The following LINGO2 variants were observed in gnomAD, a reference collection of about 807,000 sequenced individuals.
LINGO2 encodes leucine-rich repeat and immunoglobulin-like domain-containing nogo receptor-interacting protein 2.
Under a neutral mutation model 30.6 loss-of-function variants are expected in LINGO2, and 14 were observed. The ratio of observed to expected loss-of-function variants is 0.46; its 90% CI spans 0.30 to 0.72. The LOEUF is 0.72. Ranked by LOEUF, LINGO2 falls within the 30% of genes least tolerant of loss-of-function variation. The probability of loss-of-function intolerance (pLI) is 0.07; values close to 1 mark genes in which losing one functional copy is unlikely to be tolerated. For synonymous variants in LINGO2, 317 were observed against 288.5 expected, an observed-to-expected ratio of 1.10 and a Z score of -1.00; for missense variants, 729 against 751.7, an observed-to-expected ratio of 0.97 and a Z score of 0.35.
chr9:28,657,759 G>C (rs1048113356), intron 1 of LINGO2, among the ~76,000 whole-genome samples: 3 of 151,656 alleles, frequency 2.0e-5, no homozygotes, highest in Non-Finnish European at 4.4e-5. Flanking sequence ...GTTTATTTCT[G>C]TTGTAATATT....
rs1166669912 is a variant in LINGO2, at chr9:28,436,058, A to G, written c.-279+39882T>C. 3.3e-5 allele frequency among the ~76,000 whole-genome samples: 5 copies of G among 152,162 alleles called. No individual in the cohort carries two copies. In the East Asian group the frequency reaches 9.6e-4, roughly 29 times the overall value. On this transcript the variant is annotated intron_variant, in intron 2 of 5. Transcript: ENST00000379992. Reference sequence around the variant, plus strand: ...AGATTACTAACTTGGGGGTTTTATTAATAGTCTTTCTTTCTGTTCTTAACA... The same window carrying G: ...AGATTACTAACTTGGGGGTTTTATTGATAGTCTTTCTTTCTGTTCTTAACA...
At chr9:28,981,420 AC>A in the LINGO2 span, among the ~76,000 whole-genome samples, 2 of 152,174 alleles carry the variant, frequency 1.3e-5, no homozygotes, top group Non-Finnish European at 2.9e-5. Flanking sequence ...TATCTGAACA[AC>A]ATTTCCTTAA....
At chr9:28,425,715 T>C (rs555011331) in intron 2 of LINGO2, among the ~76,000 whole-genome samples, 1 of 152,132 alleles carries the variant, frequency 6.6e-6, no homozygotes, top group East Asian at 1.9e-4. Context: ...AAAGATCTTG[T>C]CTACTAAAGC....
the LINGO2 span, among the ~76,000 whole-genome samples, chr9:29,199,701 T>C: frequency 3.3e-5 from 5 of 152,186 alleles, no homozygotes; most frequent in Non-Finnish European, 7.4e-5. Flanking sequence ...GAAATGTCAC[T>C]ATTCATGTGA....
chr9:28,930,251 G>A, the LINGO2 span, among the ~76,000 whole-genome samples: 1 of 152,014 alleles, frequency 6.6e-6, no homozygotes, highest in Non-Finnish European at 1.5e-5. The surrounding 1 kb of genome is among the most constrained non-coding windows in gnomAD (Gnocchi z 4.2). Context: ...TATCCTTCAG[G>A]GTTTGGCTTA....
intron 2 of LINGO2, among the ~76,000 whole-genome samples, chr9:28,425,706 A>G (rs1823382479): frequency 6.6e-6 from 1 of 151,952 alleles, no homozygotes; most frequent in Non-Finnish European, 1.5e-5. Flanking sequence ...AACAAAATCA[A>G]AGATCTTGTC....
At chr9:28,659,315 A>G (rs1828491077) in intron 1 of LINGO2, among the ~76,000 whole-genome samples, 1 of 152,182 alleles carries the variant, frequency 6.6e-6, no homozygotes, top group African/African-American at 2.4e-5. Context: ...AAATTAAAGG[A>G]AATTAATGCC....
chr9:28,435,228 T>C (rs1465328059), intron 2 of LINGO2, among the ~76,000 whole-genome samples: 1 of 152,186 alleles, frequency 6.6e-6, no homozygotes, highest in African/African-American at 2.4e-5. Flanking sequence ...AAAAACCTGT[T>C]CAATTTTACT....
the LINGO2 span, among the ~76,000 whole-genome samples, chr9:29,062,751 T>G: frequency 6.6e-6 from 1 of 151,518 alleles, no homozygotes; most frequent in Non-Finnish European, 1.5e-5. Context: ...TTTCTAGAGA[T>G]GGATAGTGAT....
the LINGO2 span, among the ~76,000 whole-genome samples, chr9:29,135,942 T>C: frequency 6.6e-6 from 1 of 152,146 alleles, no homozygotes; most frequent in Non-Finnish European, 1.5e-5. Flanking sequence ...TATCATAGCA[T>C]GCGTCAGGAA....
At chr9:28,310,220 AC>A (rs1278597303) in intron 3 of LINGO2, among the ~76,000 whole-genome samples, 1 of 152,212 alleles carries the variant, frequency 6.6e-6, no homozygotes, top group African/African-American at 2.4e-5. Flanking sequence ...CATATGACAT[AC>A]AAACACTTGT....
At chr9:29,057,867 G>T in the LINGO2 span, among the ~76,000 whole-genome samples, 2 of 151,972 alleles carry the variant, frequency 1.3e-5, no homozygotes, top group African/African-American at 4.8e-5. Context: ...CAGGGCATTC[G>T]GTAGAAAACC....
chr9:28,142,893 A>G (rs1315154165), intron 4 of LINGO2, among the ~76,000 whole-genome samples: 1 of 152,162 alleles, frequency 6.6e-6, no homozygotes, highest in Non-Finnish European at 1.5e-5. Context: ...TGACTAGATA[A>G]CTTAACAGTT....
chr9:29,118,449 C>G, the LINGO2 span, among the ~76,000 whole-genome samples: 2 of 152,196 alleles, frequency 1.3e-5, no homozygotes, highest in East Asian at 1.9e-4. Context: ...AGAGGAGGTC[C>G]CCAGTTCATA....
At chr9:28,165,049 C>T (rs920883140) in intron 4 of LINGO2, among the ~76,000 whole-genome samples, 2 of 152,198 alleles carry the variant, frequency 1.3e-5, no homozygotes, top group African/African-American at 4.8e-5. Context: ...TGGGCAATAC[C>T]TACATTAGAC....
chr9:28,340,027 T>C (rs1335224928), intron 3 of LINGO2, among the ~76,000 whole-genome samples: 1 of 152,170 alleles, frequency 6.6e-6, no homozygotes, highest in Admixed American at 6.6e-5. Context: ...AAGAGTCTGG[T>C]CTGCAACTCT....
At chr9:28,368,165 G>A (rs1006556850) in intron 3 of LINGO2, among the ~76,000 whole-genome samples, 25 of 151,964 alleles carry the variant, frequency 1.6e-4, no homozygotes, top group African/African-American at 5.8e-4. Context: ...ATTACACCCT[G>A]CATTGTCTTA....
At chr9:28,060,233 A>C (rs1356948004) in intron 4 of LINGO2, among the ~76,000 whole-genome samples, 1 of 152,160 alleles carries the variant, frequency 6.6e-6, no homozygotes, top group Non-Finnish European at 1.5e-5. Flanking sequence ...TTAGAGGCAA[A>C]CAGTTGAATT....
chr9:28,812,472 G>C, the LINGO2 span, among the ~76,000 whole-genome samples: 1 of 152,120 alleles, frequency 6.6e-6, no homozygotes, highest in African/African-American at 2.4e-5. Context: ...GAGAAATTCA[G>C]GTTTTCAAAA....
Sources: gnomAD v4.1 joint callset for allele counts (sites outside exome capture counted in the v4.1 genomes callset) on GRCh38, gnomAD v4.1.1 for gene constraint, Gnocchi (gnomAD v3.1) non-coding constraint, MANE v1.5 for transcripts, NCBI Gene and HGNC (gene_info 2026-07-23, HGNC 2026-07-21) for gene names.